ERC1: variants seen among roughly 807,000 people sequenced by gnomAD.
ERC1 encodes the protein ELKS/RAB6-interacting/CAST family member 1.
ERC1 carries 56 observed loss-of-function variants against 132.0 expected under a neutral mutation model. The observed-to-expected ratio is 0.42, with a 90% CI of 0.34 to 0.53. ERC1 has a LOEUF of 0.53. Ranked by LOEUF, ERC1 falls within the 20% of genes least tolerant of loss-of-function variation. The pLI is 0.03. For missense variants in ERC1, 1,202 were observed against 1,349.9 expected (o/e 0.89, Z 1.72); for synonymous variants, 478 against 476.1 (o/e 1.00, Z -0.05).
intron 12 of ERC1, among the ~76,000 whole-genome samples, chr12:1,229,367 G>A (rs768881175): frequency 6.6e-6 from 1 of 152,096 alleles, no homozygotes; most frequent in Non-Finnish European, 1.5e-5. Flanking sequence ...TAGTTGCAGC[G>A]GTGCATGCCT....
At chr12:1,080,638 C>T (rs1413865353) in intron 2 of ERC1, among the ~76,000 whole-genome samples, 5 of 152,180 alleles carry the variant, frequency 3.3e-5, no homozygotes, top group African/African-American at 1.2e-4. Flanking sequence ...GTGAGTAAGT[C>T]TCACGAGATC....
intron 15 of ERC1, among the ~76,000 whole-genome samples, chr12:1,346,047 G>A (rs2084420669): frequency 6.6e-6 from 1 of 152,130 alleles, no homozygotes; most frequent in Non-Finnish European, 1.5e-5. Context: ...AGAACAGAAG[G>A]GCCAGGAATT....
rs948150237 is a variant in ERC1, at chr12:1,051,766, G to A, written c.669+23194G>A. On this transcript the variant is annotated intron_variant, in intron 2 of 18. Coordinates refer to ENST00000360905, the MANE Select transcript of ERC1 (RefSeq NM_178040.4). The stretch of plus-strand genomic sequence containing the variant: ...CACAGTGACCACCTGGGGGATGTGG[G>A]CAGGGGGAGAGGAAAAGAAGGTGAA... Among the ~76,000 whole-genome samples the A allele has an allele frequency of 2.6e-5, 4 of 152,178 alleles. No homozygotes were observed. The South Asian group carries it at 8.3e-4, about 32-fold the overall frequency.
chr12:1,068,800 C>T (rs143040572), intron 2 of ERC1, among the ~76,000 whole-genome samples: 1 of 152,236 alleles, frequency 6.6e-6, no homozygotes, highest in Non-Finnish European at 1.5e-5. Flanking sequence ...GAACTTTCGC[C>T]TTCTTACACT....
intron 12 of ERC1, chr12:1,204,505 A>T (rs1396300268): frequency 4.4e-6 from 7 of 1,590,474 alleles, no homozygotes; most frequent in Non-Finnish European, 6.0e-6. Context: ...CTTCAGTCTC[A>T]CCTCAAGGTC....
rs537712503 is a variant in ERC1, at chr12:1,410,502, A to G, written c.3024+2255A>G. On this transcript the variant is annotated intron_variant, in intron 17 of 18. Coordinates refer to ENST00000360905, the MANE Select transcript of ERC1 (RefSeq NM_178040.4). ...ATAGAAATGGTTTTTGTTTGTTTTC[A>G]TTTTTCTTTTTACACAGTAACTCTC... 255 of 906,660 alleles carry G rather than the reference A, an allele frequency of 2.8e-4. 1 individual carries two copies. The South Asian group carries it at 3.4e-3, about 12-fold the overall frequency. 56.2% of individuals were successfully genotyped at this position (906,660 alleles called of 1,614,324 possible).
intron 18 of ERC1, among the ~76,000 whole-genome samples, chr12:1,469,739 A>G (rs923596469): frequency 1.3e-5 from 2 of 152,208 alleles, no homozygotes; most frequent in Non-Finnish European, 2.9e-5. Context: ...TCTGAGCTTT[A>G]GGGGGCTGTG....
At chr12:1,272,350 T>C (rs980558066) in intron 14 of ERC1, among the ~76,000 whole-genome samples, 1 of 152,222 alleles carries the variant, frequency 6.6e-6, no homozygotes, top group African/African-American at 2.4e-5. Flanking sequence ...AAATGTCGTA[T>C]TTATAGACCC....
At chr12:1,317,654 T>C (rs1566573917) in intron 15 of ERC1, among the ~76,000 whole-genome samples, 1 of 152,236 alleles carries the variant, frequency 6.6e-6, no homozygotes, top group Non-Finnish European at 1.5e-5. Context: ...AAATTGGCAT[T>C]GTATTTCAAA....
chr12:1,255,477 G>A (rs530212186), intron 13 of ERC1, among the ~76,000 whole-genome samples: 5 of 151,980 alleles, frequency 3.3e-5, no homozygotes, highest in Non-Finnish European at 7.4e-5. Flanking sequence ...TGGGATTGCC[G>A]GGTCAAATGG....
chr12:1,105,700 G>A (rs4394886), intron 4 of ERC1, among the ~76,000 whole-genome samples: 145,640 of 152,310 alleles, frequency 0.96, 69,672 homozygotes, highest in East Asian at 0.99. Flanking sequence ...CTTCAAGGGC[G>A]GTATTAAATG....
intron 17 of ERC1, among the ~76,000 whole-genome samples, chr12:1,409,158 G>A (rs889436133): frequency 1.4e-4 from 22 of 152,208 alleles, no homozygotes; most frequent in African/African-American, 3.6e-4. Context: ...TCCAAGATTC[G>A]GAAGGTATAG....
At chr12:1,054,209 T>C (rs1972531679) in intron 2 of ERC1, among the ~76,000 whole-genome samples, 1 of 152,244 alleles carries the variant, frequency 6.6e-6, no homozygotes, top group South Asian at 2.1e-4. Flanking sequence ...ATCACAATTC[T>C]GGATTCATGA....
intron 2 of ERC1, among the ~76,000 whole-genome samples, chr12:1,061,246 G>A (rs139642076): frequency 9.2e-5 from 14 of 152,082 alleles, no homozygotes; most frequent in Admixed American, 2.6e-4. Context: ...TTTTGTTTGA[G>A]TCTTCTCTCT....
chr12:1,132,294 A>G (rs1948839544), intron 7 of ERC1, among the ~76,000 whole-genome samples: 1 of 66,508 alleles, frequency 1.5e-5, no homozygotes, highest in Non-Finnish European at 3.4e-5. Context: ...AGATCATTTA[A>G]TAATTAGGGG....
chr12:1,220,852 G>T (rs974145032), intron 12 of ERC1, among the ~76,000 whole-genome samples: 3 of 152,194 alleles, frequency 2.0e-5, no homozygotes, highest in African/African-American at 7.2e-5. Flanking sequence ...GTGGCCTGCT[G>T]CATCTGTCTG....
intron 10 of ERC1, among the ~76,000 whole-genome samples, 171 bp from the exon 11 acceptor site, chr12:1,183,110 T>G (rs557496689): frequency 3.3e-5 from 5 of 152,368 alleles, no homozygotes; most frequent in Admixed American, 3.3e-4. Flanking sequence ...TGTTAAGAGT[T>G]GAAAGCTAGA....
intron 1 of ERC1, among the ~76,000 whole-genome samples, chr12:1,015,348 C>A (rs79404293): frequency 0.15 from 22,533 of 152,186 alleles, 2,086 homozygotes; most frequent in Non-Finnish European, 0.2. Flanking sequence ...TATGAGCCAC[C>A]ATGCCTGGCC....
intron 2 of ERC1, among the ~76,000 whole-genome samples, chr12:1,056,572 T>C (rs915669279): frequency 6.6e-6 from 1 of 152,192 alleles, no homozygotes; most frequent in Middle Eastern, 3.2e-3. Context: ...GAAAACTGGT[T>C]AGGGCTAGGT....
Sources: allele counts gnomAD v4.1 joint callset (sites outside exome capture counted in the v4.1 genomes callset), GRCh38; gene constraint gnomAD v4.1.1; transcripts MANE v1.5; gene names NCBI Gene and HGNC (gene_info 2026-07-23, HGNC 2026-07-21).